SLC51B: variants seen among roughly 807,000 people sequenced by gnomAD.
SLC51B encodes the protein SLC51 subunit beta, also known as organic solute transporter subunit beta.
SLC51B carries 6 observed loss-of-function variants against 8.0 expected under a neutral mutation model. The ratio of observed to expected loss-of-function variants is 0.75; its 90% CI spans 0.41 to 1.48. The LOEUF is 1.48. SLC51B is among the 40% of genes most tolerant of loss of function. SLC51B has a pLI of 0.01. For missense variants in SLC51B, 150 were observed against 149.7 expected, an observed-to-expected ratio of 1.00 and a Z score of -0.01; for synonymous variants, 61 against 54.8, an observed-to-expected ratio of 1.11 and a Z score of -0.50.
chr15:65,051,402 C>A, intron 2 of SLC51B, 113 bp from the exon 3 acceptor site: 2 of 972,454 alleles, frequency 2.1e-6, no homozygotes, highest in Non-Finnish European at 3.2e-6. Flanking sequence ...AGGGTCTCCA[C>A]GCAAAGGACA....
In SLC51B at chr15:65,049,971, G is replaced by A. The variant is rs183795734; in HGVS notation, c.-34G>A. 642 of 1,530,072 alleles carry A rather than the reference G, an allele frequency of 4.2e-4. 3 individuals are homozygous for A. The African/African-American group carries it at 6.9e-3, about 16-fold the overall frequency. The allele number at this position is 1,530,072 out of a possible 1,614,324, so 94.8% of individuals were successfully genotyped here. On this transcript the variant is annotated 5_prime_UTR_variant, in exon 2 of 4. Transcript: ENST00000334287. ...GGGCTGCTGGGGCTAAGGGGTCTAA[G>A]GACCTCGTTGCACACGCTACCAGGA...
rs768878212 is a variant in SLC51B at position 65,053,098 on chromosome 15, A to G, written c.321A>G (p.Glu107=). 2 of 1,614,152 alleles carry G rather than the reference A, an allele frequency of 1.2e-6. No homozygotes were observed. The highest frequency in any genetic ancestry group is 2.2e-5 in the East Asian group (1 of 44,878). ...LSEKPNLAQV[E]LELKERDVLS... is the part of the protein sequence containing the mutation. Reference sequence around the variant, plus strand: ...AAAAGCCAAACTTGGCCCAGGTGGAACTTGAGTTAAAAGAGAGAGATGTGC... The same window carrying G: ...AAAAGCCAAACTTGGCCCAGGTGGAGCTTGAGTTAAAAGAGAGAGATGTGC... Residue 107 remains glutamate (E), a synonymous_variant, in exon 4 of 4, where the codon GAA becomes GAG. Coordinates refer to ENST00000334287, the MANE Select transcript of SLC51B (RefSeq NM_178859.4).
At chr15:65,052,867 TAGAG>T in intron 3 of SLC51B, 95 bp from the exon 4 acceptor site, 1 of 1,082,698 alleles carries the variant, frequency 9.2e-7, no homozygotes, top group Non-Finnish European at 1.4e-6. Context: ...CCAAACTGCA[TAGAG>T]AATTTTCCCC....
rs1179171262 is a variant in SLC51B, at chr15:65,051,664, C to T, written c.188+59C>T. 3.3e-6 allele frequency: 5 copies of T among 1,528,994 alleles called. No homozygotes were observed. The African/African-American group carries it at 5.5e-5, about 17-fold the overall frequency. The allele number at this position is 1,528,994 out of a possible 1,614,324, so 94.7% of individuals were successfully genotyped here. A position where few individuals can be genotyped will look rare whatever the true frequency, so the allele number is the denominator to read the frequency against. On this transcript the variant is annotated intron_variant, in intron 3 of 3. Coordinates refer to ENST00000334287, the MANE Select transcript of SLC51B (RefSeq NM_178859.4). ...TCTGTGGGGTAGAGGCCCTGCCTTC[C>T]CAGAGGGAAATCTAGAGAGGGGTCA...
At position 65,053,272 on chromosome 15, in the gene SLC51B, CT is replaced by C; in HGVS notation, c.*113del. ...GTCTCTCCCAAGAAGCCGCTTTTTT[CT>C]TTTTCTTTCTTTCTTTTTTTTTTTC... is the stretch of plus-strand genomic sequence containing the variant. On this transcript the variant is annotated 3_prime_UTR_variant, in exon 4 of 4. Coordinates refer to ENST00000334287, the MANE Select transcript of SLC51B (RefSeq NM_178859.4). The C allele has an allele frequency of 7.0e-7, 1 of 1,435,822 alleles. No homozygotes were observed. The highest frequency in any genetic ancestry group is 2.5e-5 in the East Asian group (1 of 40,492). The allele number at this position is 1,435,822 out of a possible 1,614,324, so 88.9% of individuals were successfully genotyped here. A position where few individuals can be genotyped will look rare whatever the true frequency, so the allele number is the denominator to read the frequency against.
intron 2 of SLC51B, among the ~76,000 whole-genome samples, chr15:65,050,653 G>A (rs1231003508): frequency 1.3e-5 from 2 of 152,088 alleles, no homozygotes; most frequent in Non-Finnish European, 2.9e-5. Context: ...CATTCCTGGA[G>A]GGAGGACAGC....
At position 65,045,509 on chromosome 15, in the gene SLC51B, G is replaced by A. The variant is rs1461116905; in HGVS notation, c.-182G>A. The A allele has an allele frequency of 6.6e-6, 1 of 152,266 alleles. No homozygotes were observed. Among genetic ancestry groups the A allele is most frequent in the African/African-American group, 2.4e-5 (1 of 41,466 alleles). The allele number at this position is 152,266 out of a possible 1,614,324, so 9.4% of individuals were successfully genotyped here. ...TATCCTGTTCTCCCATAAAGAGGAG[G>A]AAAAGGAAGATACAGAAATCGGTGC... On this transcript the variant is annotated 5_prime_UTR_variant, in exon 1 of 4. Transcript: ENST00000334287.
intron 1 of SLC51B, 155 bp from the exon 2 acceptor site, chr15:65,049,742 C>T (rs2086625013): frequency 2.8e-6 from 1 of 360,142 alleles, no homozygotes; most frequent in Non-Finnish European, 5.1e-6. Flanking sequence ...GTCACTCCCA[C>T]TTCCAGTCTC....
chr15:65,051,534 C>T lies in SLC51B; in HGVS notation c.117C>T (p.Ser39=). ...CCCCAGCATCTCCCTGGAATCATTC[C>T]ATCCTTGCCCTGGCAGCTGTGGTGG... ...RVEDASPWNH[S]ILALAAVVVI... is the part of the protein sequence containing the mutation. Residue 39 remains serine, a synonymous_variant, in exon 3 of 4, where the codon TCC becomes TCT. Coordinates refer to ENST00000334287, the MANE Select transcript of SLC51B (RefSeq NM_178859.4). 6.2e-7 allele frequency: 1 copy of T among 1,613,734 alleles called. No individual in the cohort carries two copies. The highest frequency in any genetic ancestry group is 8.5e-7 in the Non-Finnish European group (1 of 1,179,786).
At position 65,049,967 on chromosome 15, in the gene SLC51B, C is replaced by A; in HGVS notation, c.-38C>A. On this transcript the variant is annotated 5_prime_UTR_variant, in exon 2 of 4. Coordinates refer to ENST00000334287, the MANE Select transcript of SLC51B (RefSeq NM_178859.4). ...AGGAGGGCTGCTGGGGCTAAGGGGTCTAAGGACCTCGTTGCACACGCTACC... is the reference window on the plus strand; with the variant it reads ...AGGAGGGCTGCTGGGGCTAAGGGGTATAAGGACCTCGTTGCACACGCTACC... The A allele has an allele frequency of 1.3e-6, 2 of 1,522,490 alleles. No homozygotes were observed. Among genetic ancestry groups the A allele is most frequent in the South Asian group, 1.2e-5 (1 of 82,218 alleles). 94.3% of individuals were successfully genotyped at this position (1,522,490 alleles called of 1,614,324 possible).
In SLC51B at chr15:65,051,590, G is replaced by A. The variant is rs915865611; in HGVS notation, c.173G>A (p.Ser58Asn). The change falls in exon 3 of 4, where the codon AGC becomes AAC. Residue 58 changes from serine (S) to asparagine (N), a missense_variant. Transcript: ENST00000334287. ...VIISMVLLGR[S>N]IQASRKEKMQ... is the part of the protein sequence containing the mutation. ...ATAAGCATGGTCCTCCTGGGAAGAA[G>A]CATCCAGGCAAGCAGGTGAGGAGCT... 1.2e-6 allele frequency: 2 copies of A among 1,613,292 alleles called. No individual in the cohort carries two copies. Among genetic ancestry groups the A allele is most frequent in the African/African-American group, 2.7e-5 (2 of 74,860 alleles).
At chr15:65,048,212 A>G (rs1452780087) in intron 1 of SLC51B, among the ~76,000 whole-genome samples, 1 of 151,748 alleles carries the variant, frequency 6.6e-6, no homozygotes, top group Non-Finnish European at 1.5e-5. Flanking sequence ...AAAAAAGTCT[A>G]AGAAAGGTCT....
At position 65,050,079 on chromosome 15, in the gene SLC51B, T is replaced by G. The variant is rs375150814; in HGVS notation, c.75T>G (p.Leu25=). 1.9e-6 allele frequency: 3 copies of G among 1,551,590 alleles called. No homozygotes were observed. The highest frequency in any genetic ancestry group is 2.6e-6 in the Non-Finnish European group (3 of 1,146,934). ...CCCAGGAGCTGCTGGAAGAGATGCT[T>G]TGGTTTTTTCGTGTGGAAGATGGTA... The part of the protein sequence containing the change: ...VVPQELLEEM[L]WFFRVEDASP... Residue 25 remains leucine, a synonymous_variant, in exon 2 of 4, where the codon CTT becomes CTG. Transcript: ENST00000334287.
At chr15:65,047,082 T>C (rs1188890939) in intron 1 of SLC51B, among the ~76,000 whole-genome samples, 4 of 151,944 alleles carry the variant, frequency 2.6e-5, no homozygotes, top group African/African-American at 9.7e-5. Context: ...AAAGGCTGGG[T>C]GCAGTGGCTC....
chr15:65,052,869 G>C (rs2086672746), intron 3 of SLC51B, 97 bp from the exon 4 acceptor site: 9 of 1,125,202 alleles, frequency 8.0e-6, no homozygotes, highest in Non-Finnish European at 1.0e-5. Context: ...AAACTGCATA[G>C]AGAATTTTCC....
chr15:65,051,264 C>A (rs1566950939), intron 2 of SLC51B, among the ~76,000 whole-genome samples: 1 of 152,184 alleles, frequency 6.6e-6, no homozygotes, highest in African/African-American at 2.4e-5. Flanking sequence ...ACCCCTGTTG[C>A]CCCACTATTA....
At chr15:65,049,204 G>T (rs12906276) in intron 1 of SLC51B, 56,097 of 151,296 alleles carry the variant, frequency 0.37, 11,450 homozygotes, top group East Asian at 0.78. Context: ...GATTGACTGA[G>T]GTTCAGTTTA....
chr15:65,052,881 C>A (rs74981303), intron 3 of SLC51B, 85 bp from the exon 4 acceptor site: 1 of 1,306,702 alleles, frequency 7.7e-7, no homozygotes, highest in East Asian at 2.3e-5. Flanking sequence ...GAATTTTCCC[C>A]TTAGACTCTT....
intron 2 of SLC51B, among the ~76,000 whole-genome samples, chr15:65,050,767 C>T (rs546713025): frequency 6.6e-6 from 1 of 151,378 alleles, no homozygotes; most frequent in South Asian, 2.1e-4. Flanking sequence ...TATCTGTGGG[C>T]AGTTGCCATT....
Sources: allele counts gnomAD v4.1 joint callset (sites outside exome capture counted in the v4.1 genomes callset), GRCh38; gene constraint gnomAD v4.1.1; transcripts MANE v1.5; gene names NCBI Gene and HGNC (gene_info 2026-07-23, HGNC 2026-07-21).